CMTM8: variants seen among roughly 807,000 people sequenced by gnomAD.
CMTM8 encodes CKLF like MARVEL transmembrane domain containing 8.
In CMTM8, 12 loss-of-function variants were observed where a neutral mutation model predicts 18.6. The observed-to-expected ratio is 0.65, with a 90% CI of 0.41 to 1.05. CMTM8 has a LOEUF of 1.05. Among genes scored for constraint, CMTM8 ranks in the 50% least tolerant of loss-of-function variants. The pLI, the probability that CMTM8 is intolerant of heterozygous loss-of-function variation, is 0.00. For missense variants in CMTM8, 217 were observed against 227.2 expected, an observed-to-expected ratio of 0.95 and a Z score of 0.29; for synonymous variants, 87 against 90.6, an observed-to-expected ratio of 0.96 and a Z score of 0.23.
intron 1 of CMTM8, among the ~76,000 whole-genome samples, chr3:32,254,961 T>G (rs1385629517): frequency 6.6e-6 from 1 of 152,240 alleles, no homozygotes; most frequent in Non-Finnish European, 1.5e-5. Context: ...ACTGTCTGTC[T>G]CTATAAATTT....
Position 32,238,750 on chromosome 3 carries a change from C to G in CMTM8, c.-223C>G, listed in dbSNP as rs1701902620. ...CTCTCCTCTTCCTCTAGGGCCCCAGCGCAGCTCGGGAGCCCGCGCACCGAG... is the reference window on the plus strand; with the variant it reads ...CTCTCCTCTTCCTCTAGGGCCCCAGGGCAGCTCGGGAGCCCGCGCACCGAG... On this transcript the variant is annotated 5_prime_UTR_variant, in exon 1 of 4. Coordinates refer to ENST00000307526, the MANE Select transcript of CMTM8 (RefSeq NM_178868.5). The G allele has an allele frequency of 3.4e-6, 1 of 292,998 alleles. No homozygotes were observed. The highest frequency in any genetic ancestry group is 1.6e-4 in the South Asian group (1 of 6,146). 18.1% of individuals were successfully genotyped at this position (292,998 alleles called of 1,614,324 possible).
chr3:32,259,951 C>A, intron 1 of CMTM8: 3 of 1,142,074 alleles, frequency 2.6e-6, no homozygotes, highest in Non-Finnish European at 3.9e-6. Flanking sequence ...TAGAGCAGCT[C>A]AACGGGATCC....
At chr3:32,282,835 G>A (rs59658632) in intron 1 of CMTM8, among the ~76,000 whole-genome samples, 4,574 of 152,264 alleles carry the variant, frequency 0.03, 214 homozygotes, top group African/African-American at 0.1. Flanking sequence ...GACACAGCAA[G>A]CATGCTCCAG....
intron 1 of CMTM8, among the ~76,000 whole-genome samples, chr3:32,293,381 T>C (rs1285643868): frequency 6.6e-6 from 1 of 152,076 alleles, no homozygotes; most frequent in Non-Finnish European, 1.5e-5. Flanking sequence ...CGAAACCCCA[T>C]CTCTACTAAA....
intron 1 of CMTM8, among the ~76,000 whole-genome samples, chr3:32,302,938 C>A (rs557773790): frequency 6.6e-6 from 1 of 152,160 alleles, no homozygotes; most frequent in African/African-American, 2.4e-5. Flanking sequence ...TGGAGAGAGA[C>A]CTGGTCTCAC....
intron 1 of CMTM8, among the ~76,000 whole-genome samples, chr3:32,309,846 A>G (rs990440489): frequency 7.9e-5 from 12 of 152,166 alleles, no homozygotes; most frequent in Admixed American, 4.6e-4. Context: ...TGGGAGCTTT[A>G]TGCAGGGAGG....
chr3:32,343,170 C>A, intron 1 of CMTM8, among the ~76,000 whole-genome samples: 1 of 152,150 alleles, frequency 6.6e-6, no homozygotes, highest in Non-Finnish European at 1.5e-5. Context: ...CTGCTTTGAC[C>A]CCTGACTAGC....
intron 1 of CMTM8, among the ~76,000 whole-genome samples, chr3:32,273,060 C>T (rs1702463508): frequency 6.6e-6 from 1 of 151,800 alleles, no homozygotes; most frequent in Non-Finnish European, 1.5e-5. Flanking sequence ...CCATTTCACA[C>T]CTATAAGGAT....
intron 1 of CMTM8, among the ~76,000 whole-genome samples, chr3:32,336,666 C>G (rs1427211447): frequency 2.0e-5 from 3 of 152,204 alleles, no homozygotes; most frequent in African/African-American, 7.2e-5. Flanking sequence ...ACGTCTCTCT[C>G]CCACACAGAA....
chr3:32,366,935 C>G (rs180676631), intron 2 of CMTM8, among the ~76,000 whole-genome samples: 1 of 152,252 alleles, frequency 6.6e-6, no homozygotes, highest in East Asian at 1.9e-4. Flanking sequence ...GTGGAGGTGG[C>G]GACAGGAACA....
chr3:32,263,308 C>A (rs1051783293), intron 1 of CMTM8, among the ~76,000 whole-genome samples: 29 of 152,330 alleles, frequency 1.9e-4, no homozygotes, highest in African/African-American at 7.0e-4. Flanking sequence ...ATTCGCTGTT[C>A]TGCAGCCTCC....
chr3:32,352,834 C>G (rs898487730), intron 1 of CMTM8, among the ~76,000 whole-genome samples: 1 of 149,530 alleles, frequency 6.7e-6, no homozygotes, highest in East Asian at 2.0e-4. Flanking sequence ...TTTCTTTATA[C>G]TGTATTTCAA....
intron 1 of CMTM8, among the ~76,000 whole-genome samples, chr3:32,318,274 A>G (rs1173167237): frequency 1.3e-5 from 2 of 152,126 alleles, no homozygotes; most frequent in Non-Finnish European, 2.9e-5. Context: ...TCCAGGGACA[A>G]AGAGATTTCT....
intron 1 of CMTM8, among the ~76,000 whole-genome samples, chr3:32,253,647 C>T (rs1344976891): frequency 6.6e-6 from 1 of 152,120 alleles, no homozygotes; most frequent in Non-Finnish European, 1.5e-5. Context: ...GCCACCATGC[C>T]TGGCTTCTTC....
intron 1 of CMTM8, among the ~76,000 whole-genome samples, chr3:32,313,227 G>A (rs969392624): frequency 7.9e-5 from 12 of 152,070 alleles, no homozygotes; most frequent in Non-Finnish European, 1.3e-4. Context: ...CAGACTGCTG[G>A]TCCCGAATGA....
intron 1 of CMTM8, among the ~76,000 whole-genome samples, chr3:32,346,290 C>T (rs761693913): frequency 5.9e-5 from 9 of 152,202 alleles, no homozygotes; most frequent in Non-Finnish European, 1.2e-4. Flanking sequence ...TCAGAGACAG[C>T]TACTCCGGCT....
intron 1 of CMTM8, among the ~76,000 whole-genome samples, chr3:32,251,666 A>G (rs1347559854): frequency 6.6e-6 from 1 of 152,020 alleles, no homozygotes. Context: ...CAGAAATTCT[A>G]ATTTGTATGA....
intron 2 of CMTM8, among the ~76,000 whole-genome samples, chr3:32,367,196 A>G (rs922652217): frequency 6.6e-6 from 1 of 152,184 alleles, no homozygotes; most frequent in Non-Finnish European, 1.5e-5. Context: ...CCAGCTTTGC[A>G]TGGTTTCCTA....
chr3:32,334,070 C>G (rs1292965484), intron 1 of CMTM8, among the ~76,000 whole-genome samples: 1 of 151,742 alleles, frequency 6.6e-6, no homozygotes, highest in East Asian at 2.0e-4. Context: ...CTCCACCTCC[C>G]AGGTTCTAAG....
Sources: gnomAD v4.1 joint callset for allele counts (sites outside exome capture counted in the v4.1 genomes callset) on GRCh38, gnomAD v4.1.1 for gene constraint, MANE v1.5 for transcripts, NCBI Gene and HGNC (gene_info 2026-07-23, HGNC 2026-07-21) for gene names.